PTPRN2: variants seen among roughly 807,000 people sequenced by gnomAD.
PTPRN2 encodes the protein receptor-type tyrosine-protein phosphatase N2.
PTPRN2 carries 74 observed loss-of-function variants against 118.8 expected under a neutral mutation model. The observed-to-expected ratio is 0.62, with a 90% CI of 0.52 to 0.76. The LOEUF (loss-of-function observed/expected upper bound fraction) is 0.76. Among genes scored for constraint, PTPRN2 ranks in the 30% least tolerant of loss-of-function variants. PTPRN2 has a pLI of 0.00. For synonymous variants in PTPRN2, 641 were observed against 608.0 expected (o/e 1.05, Z -0.80); for missense variants, 1,481 against 1,394.4 (o/e 1.06, Z -0.99).
intron 1 of PTPRN2, among the ~76,000 whole-genome samples, chr7:158,554,811 G>A (rs1391450294): frequency 6.6e-6 from 1 of 151,962 alleles, no homozygotes; most frequent in Non-Finnish European, 1.5e-5. Flanking sequence ...GCCCCTCCAT[G>A]GGCTGTGTCT....
chr7:158,051,912 T>C (rs1397149179), intron 11 of PTPRN2, among the ~76,000 whole-genome samples: 1 of 152,192 alleles, frequency 6.6e-6, no homozygotes, highest in African/African-American at 2.4e-5. Flanking sequence ...GTGCGGTGAC[T>C]ACCTGGTAGA....
chr7:157,725,318 G>T lies in PTPRN2; in HGVS notation c.1789-42381C>A, dbSNP rs369206844. Among the ~76,000 whole-genome samples the T allele has an allele frequency of 5.9e-3, 458 of 77,872 alleles. 9 individuals are homozygous for T. The highest frequency in any genetic ancestry group is 0.023 in the African/African-American group (364 of 16,128). The allele number at this position is 77,872 out of a possible 152,430, so 51.1% of individuals were successfully genotyped here. A position where few individuals can be genotyped will look rare whatever the true frequency, so the allele number is the denominator to read the frequency against. On this transcript the variant is annotated intron_variant, in intron 12 of 22. Transcript: ENST00000389418. ...ACCTACACCCAGAGGAGTGTGGCCAGACCCTCGCCTCCCAGGAGAACTGGA... is the reference window on the plus strand; with the variant it reads ...ACCTACACCCAGAGGAGTGTGGCCATACCCTCGCCTCCCAGGAGAACTGGA...
At chr7:158,523,415 G>A (rs1372081042) in intron 1 of PTPRN2, among the ~76,000 whole-genome samples, 2 of 139,000 alleles carry the variant, frequency 1.4e-5, no homozygotes, top group African/African-American at 5.1e-5. Context: ...CCCTGGAGCG[G>A]AGTCTGCCCT....
In PTPRN2 at chr7:158,048,703, C is replaced by T. The variant is rs1255991666; in HGVS notation, c.1723+32595G>A. The stretch of plus-strand genomic sequence containing the variant: ...ACTGTCACCATCACATCACAACCAC[C>T]ATCACCATCACCATCATATCACCAC... On this transcript the variant is annotated intron_variant, in intron 11 of 22. Transcript: ENST00000389418. 2.6e-5 allele frequency among the ~76,000 whole-genome samples: 4 copies of T among 151,342 alleles called. No homozygotes were observed. In the East Asian group the frequency reaches 7.8e-4, roughly 29 times the overall value.
At chr7:158,586,254 C>T (rs1458037627) in intron 1 of PTPRN2, among the ~76,000 whole-genome samples, 1 of 152,218 alleles carries the variant, frequency 6.6e-6, no homozygotes, top group Non-Finnish European at 1.5e-5. Flanking sequence ...GGGACTCTGG[C>T]TTGAGGGAGG....
At chr7:157,546,285 A>G (rs1326422811) in intron 22 of PTPRN2, among the ~76,000 whole-genome samples, 1 of 152,124 alleles carries the variant, frequency 6.6e-6, no homozygotes, top group Non-Finnish European at 1.5e-5. Context: ...TTATTTATTT[A>G]TATTTAAGTT....
chr7:158,047,760 T>C (rs1808994113), intron 11 of PTPRN2, among the ~76,000 whole-genome samples: 1 of 152,202 alleles, frequency 6.6e-6, no homozygotes, highest in Non-Finnish European at 1.5e-5. Context: ...CTGAGGTCCA[T>C]TCTGCAAAGG....
intron 1 of PTPRN2, among the ~76,000 whole-genome samples, chr7:158,490,253 A>T (rs972162952): frequency 6.6e-6 from 1 of 152,204 alleles, no homozygotes; most frequent in Non-Finnish European, 1.5e-5. Flanking sequence ...GCTGCGTGGG[A>T]AGCAAACCGT....
At chr7:158,153,376 C>T (rs1821388577) in intron 6 of PTPRN2, among the ~76,000 whole-genome samples, 1 of 152,208 alleles carries the variant, frequency 6.6e-6, no homozygotes, top group African/African-American at 2.4e-5. Flanking sequence ...CTGACTAACA[C>T]AAGCCACCTA....
intron 2 of PTPRN2, among the ~76,000 whole-genome samples, chr7:158,324,615 T>C (rs1282734953): frequency 1.3e-5 from 2 of 151,786 alleles, no homozygotes; most frequent in African/African-American, 4.8e-5. Context: ...AGAGGGCCGA[T>C]TGACCCCCAG....
intron 1 of PTPRN2, among the ~76,000 whole-genome samples, chr7:158,522,888 A>G (rs1824317333): frequency 6.6e-6 from 1 of 152,162 alleles, no homozygotes; most frequent in African/African-American, 2.4e-5. Flanking sequence ...GTGGAGCTGG[A>G]GAGAACAGAC....
intron 1 of PTPRN2, among the ~76,000 whole-genome samples, chr7:158,549,491 G>T (rs1170341540): frequency 6.6e-6 from 1 of 152,262 alleles, no homozygotes; most frequent in Non-Finnish European, 1.5e-5. Flanking sequence ...CAAAGGGGCA[G>T]CCGTGAATAG....
At chr7:157,873,539 CTGT>C in intron 12 of PTPRN2, among the ~76,000 whole-genome samples, 2 of 136,722 alleles carry the variant, frequency 1.5e-5, no homozygotes. Context: ...TCCTCAAGGT[CTGT>C]CTCGTCGTGG....
chr7:158,433,998 A>AT (rs142175210), intron 2 of PTPRN2, among the ~76,000 whole-genome samples: 4,579 of 151,392 alleles, frequency 0.03, 226 homozygotes, highest in African/African-American at 0.11. Flanking sequence ...TTTTCTAGGG[A>AT]TTTTTTTTTC....
At chr7:158,415,675 T>C (rs1814599828) in intron 2 of PTPRN2, among the ~76,000 whole-genome samples, 1 of 151,872 alleles carries the variant, frequency 6.6e-6, no homozygotes, top group African/African-American at 2.4e-5. Context: ...CACCCTACAA[T>C]GGCTCATTAA....
Position 157,725,980 on chromosome 7 carries a change from A to G in PTPRN2, c.1789-43043T>C, listed in dbSNP as rs1316102300. Among the ~76,000 whole-genome samples the G allele has an allele frequency of 4.5e-3, 330 of 72,702 alleles. 11 individuals carry two copies. Among genetic ancestry groups the G allele is most frequent in the Middle Eastern group, 0.018 (2 of 114 alleles). 47.7% of individuals were successfully genotyped at this position (72,702 alleles called of 152,430 possible). On this transcript the variant is annotated intron_variant, in intron 12 of 22. Coordinates refer to ENST00000389418, the MANE Select transcript of PTPRN2 (RefSeq NM_002847.5). ...CTGGATATCCACATGCAGAGGAGTG[A>G]GCCAGACCCTCGCCTCCCAGGAGAA...
chr7:157,821,680 G>T (rs971221713), intron 12 of PTPRN2, among the ~76,000 whole-genome samples: 2 of 152,196 alleles, frequency 1.3e-5, no homozygotes, highest in African/African-American at 4.8e-5. Flanking sequence ...AAGCCACTCT[G>T]AATGAGCTGG....
intron 2 of PTPRN2, among the ~76,000 whole-genome samples, chr7:158,465,114 C>T (rs1221535137): frequency 6.6e-6 from 1 of 152,200 alleles, no homozygotes; most frequent in Non-Finnish European, 1.5e-5. Context: ...TGGCTGTGGA[C>T]ATTTCCTAAA....
chr7:158,449,702 G>A (rs1817972049), intron 2 of PTPRN2, among the ~76,000 whole-genome samples: 1 of 152,210 alleles, frequency 6.6e-6, no homozygotes, highest in Non-Finnish European at 1.5e-5. Context: ...CCACTTCAGT[G>A]TGGTAATGGA....
Sources: allele counts gnomAD v4.1 joint callset (sites outside exome capture counted in the v4.1 genomes callset), GRCh38; gene constraint gnomAD v4.1.1; transcripts MANE v1.5; gene names NCBI Gene and HGNC (gene_info 2026-07-23, HGNC 2026-07-21).